ACSS3: variants seen among roughly 807,000 people sequenced by gnomAD.
ACSS3 encodes acyl-CoA synthetase short-chain family member 3, mitochondrial.
A neutral mutation model predicts 84.2 loss-of-function variants in ACSS3; 64 were observed. The ratio of observed to expected loss-of-function variants is 0.76; its 90% CI spans 0.62 to 0.94. The LOEUF is 0.94. ACSS3 is among the 40% of genes least tolerant of loss of function. ACSS3 has a pLI of 0.00. For missense variants in ACSS3, 815 were observed against 867.6 expected (o/e 0.94, Z 0.76); for synonymous variants, 317 against 310.1 (o/e 1.02, Z -0.23).
chr12:81,110,064 C>T (rs35423806), intron 2 of ACSS3, among the ~76,000 whole-genome samples: 53,389 of 152,080 alleles, frequency 0.35, 11,869 homozygotes, highest in Non-Finnish European at 0.5. Flanking sequence ...TTCCCTGTCA[C>T]TAGGCTCTGC....
intron 13 of ACSS3, among the ~76,000 whole-genome samples, chr12:81,252,917 G>A (rs2034196172): frequency 6.6e-6 from 1 of 152,206 alleles, no homozygotes. Context: ...ATGGCAGCCA[G>A]CATTAAGACC....
At chr12:81,108,118 A>C (rs1883232698) in intron 1 of ACSS3, among the ~76,000 whole-genome samples, 1 of 152,116 alleles carries the variant, frequency 6.6e-6, no homozygotes, top group Non-Finnish European at 1.5e-5. Flanking sequence ...GATCAGTCAC[A>C]GGGGAATTCA....
Position 81,244,905 on chromosome 12 carries a change from C to CTGTGTG in ACSS3, c.1720-8382_1720-8377dup, listed in dbSNP as rs146316314. 2.5e-4 allele frequency among the ~76,000 whole-genome samples: 37 copies of CTGTGTG among 148,258 alleles called. 1 individual carries two copies. The highest frequency in any genetic ancestry group is 1.5e-3 in the Admixed American group (22 of 14,848). On this transcript the variant is annotated intron_variant, in intron 13 of 15. Coordinates refer to ENST00000548058, the MANE Select transcript of ACSS3 (RefSeq NM_024560.4). ...CTAATGCTTCTTCAGTCTATTCAAA[C>CTGTGTG]TGTGTGTGTGTGTGTGTGTGTGTGT...
intron 9 of ACSS3, among the ~76,000 whole-genome samples, chr12:81,209,527 C>T (rs746612662): frequency 1.3e-5 from 2 of 152,030 alleles, no homozygotes; most frequent in Non-Finnish European, 2.9e-5. Context: ...TAAAACAACC[C>T]GGACAGTATT....
At chr12:81,254,772 C>G (rs1418453427) in intron 15 of ACSS3, 85 bp from the exon 16 acceptor site, 3 of 1,107,834 alleles carry the variant, frequency 2.7e-6, no homozygotes, top group African/African-American at 3.2e-5. Context: ...ATGGGGAAAA[C>G]AACATTGCAT....
At chr12:81,101,847 T>G (rs10862240) in intron 1 of ACSS3, among the ~76,000 whole-genome samples, 5 of 151,810 alleles carry the variant, frequency 3.3e-5, no homozygotes, top group African/African-American at 1.2e-4. Flanking sequence ...TTTTTTTTTA[T>G]ACTTACTGGT....
chr12:81,149,091 A>G (rs1472625375), intron 5 of ACSS3, among the ~76,000 whole-genome samples: 4 of 152,010 alleles, frequency 2.6e-5, no homozygotes, highest in Non-Finnish European at 5.9e-5. Flanking sequence ...AGGAAAAAAA[A>G]GAAAGTGCAT....
chr12:81,078,029 T>TGCCCCC, upstream of ACSS3: 1 of 1,365,012 alleles, frequency 7.3e-7, no homozygotes, highest in Non-Finnish European at 9.6e-7. Context: ...CTTCGGAATT[T>TGCCCCC]GCCCCCGCCC....
chr12:81,225,713 A>G (rs2033251986), intron 11 of ACSS3, among the ~76,000 whole-genome samples: 1 of 151,934 alleles, frequency 6.6e-6, no homozygotes, highest in Non-Finnish European at 1.5e-5. Context: ...CTTGTAGTTC[A>G]CAAAGTGCTA....
intron 8 of ACSS3, among the ~76,000 whole-genome samples, chr12:81,176,369 G>C (rs1282575145): frequency 6.6e-6 from 1 of 152,050 alleles, no homozygotes; most frequent in Non-Finnish European, 1.5e-5. Flanking sequence ...ACGCAGTCGA[G>C]ACCATCCTGG....
chr12:81,152,729 T>A (rs1400200721), intron 7 of ACSS3, among the ~76,000 whole-genome samples: 1 of 152,134 alleles, frequency 6.6e-6, no homozygotes, highest in Non-Finnish European at 1.5e-5. Flanking sequence ...AAGATCAAAG[T>A]CTTGGAGGGA....
intron 13 of ACSS3, among the ~76,000 whole-genome samples, chr12:81,249,327 C>G (rs1191173632): frequency 6.6e-6 from 1 of 151,952 alleles, no homozygotes; most frequent in Admixed American, 6.6e-5. Flanking sequence ...GTACAGGAAA[C>G]AAATTGGGCT....
At chr12:81,115,167 T>A (rs117601307) in intron 2 of ACSS3, among the ~76,000 whole-genome samples, 3,164 of 152,298 alleles carry the variant, frequency 0.021, 61 homozygotes, top group Non-Finnish European at 0.03. Context: ...ACAATATTTA[T>A]GCATTTGTGT....
intron 1 of ACSS3, among the ~76,000 whole-genome samples, chr12:81,104,338 T>A (rs1346657244): frequency 1.3e-5 from 2 of 152,072 alleles, no homozygotes; most frequent in Non-Finnish European, 2.9e-5. Flanking sequence ...AGGGACAGCA[T>A]GGCAAGACAG....
intron 1 of ACSS3, among the ~76,000 whole-genome samples, chr12:81,091,771 G>A (rs150698365): frequency 3.2e-4 from 48 of 152,214 alleles, no homozygotes; most frequent in African/African-American, 1.0e-3. Context: ...TTTACTCTAA[G>A]TGTGCATACC....
intron 3 of ACSS3, among the ~76,000 whole-genome samples, chr12:81,135,282 T>A (rs913112978): frequency 4.8e-5 from 7 of 145,418 alleles, no homozygotes; most frequent in African/African-American, 1.7e-4. Context: ...ATATATAATA[T>A]ATTATATATA....
intron 7 of ACSS3, among the ~76,000 whole-genome samples, chr12:81,172,468 C>T (rs1261041296): frequency 6.6e-6 from 1 of 151,924 alleles, no homozygotes; most frequent in Non-Finnish European, 1.5e-5. Context: ...GTCTCATCCG[C>T]TGTAGTATTT....
intron 2 of ACSS3, among the ~76,000 whole-genome samples, chr12:81,120,191 C>G (rs1253370082): frequency 6.6e-6 from 1 of 152,146 alleles, no homozygotes; most frequent in Non-Finnish European, 1.5e-5. Context: ...ACCCTGAGAA[C>G]AAAACCAACT....
intron 11 of ACSS3, among the ~76,000 whole-genome samples, chr12:81,226,988 CACAT>C (rs922414154): frequency 4.0e-5 from 6 of 148,972 alleles, no homozygotes; most frequent in South Asian, 4.2e-4. Context: ...CACACACACA[CACAT>C]ATATATATAC....
Sources: gnomAD v4.1 joint callset for allele counts (sites outside exome capture counted in the v4.1 genomes callset) on GRCh38, gnomAD v4.1.1 for gene constraint, MANE v1.5 for transcripts, NCBI Gene and HGNC (gene_info 2026-07-23, HGNC 2026-07-21) for gene names.